KCNMB4: variants seen among roughly 807,000 people sequenced by gnomAD.
The protein encoded by KCNMB4 is potassium calcium-activated channel subfamily M regulatory beta subunit 4, also known as calcium-activated potassium channel subunit beta-4.
KCNMB4 carries 3 observed loss-of-function variants against 20.7 expected under a neutral mutation model. That is an observed-to-expected ratio of 0.14 (90% CI 0.07 to 0.37). The LOEUF is 0.37. Ranked by LOEUF, KCNMB4 falls within the 10% of genes least tolerant of loss-of-function variation. The pLI is 1.00. For synonymous variants in KCNMB4, 110 were observed against 113.4 expected (o/e 0.97, Z 0.19); for missense variants, 168 against 265.9 (o/e 0.63, Z 2.56).
At chr12:70,367,821 TTC>T (rs1336785243) in intron 1 of KCNMB4, among the ~76,000 whole-genome samples, 1 of 151,496 alleles carries the variant, frequency 6.6e-6, no homozygotes, top group African/African-American at 2.4e-5. Flanking sequence ...CTAATATGAC[TTC>T]TCTGACAACT....
At chr12:70,415,882 G>A (rs940042867) in intron 2 of KCNMB4, among the ~76,000 whole-genome samples, 2 of 152,148 alleles carry the variant, frequency 1.3e-5, no homozygotes, top group Non-Finnish European at 2.9e-5. Context: ...TCCTGCCCTC[G>A]GATTTACAGC....
intron 1 of KCNMB4, among the ~76,000 whole-genome samples, chr12:70,373,028 T>A (rs77779695): frequency 0.02 from 3,054 of 152,116 alleles, 62 homozygotes; most frequent in African/African-American, 0.041. Context: ...CTGGATGGAC[T>A]GGTGTGTGTG....
chr12:70,409,216 A>G (rs1320555544), intron 2 of KCNMB4, among the ~76,000 whole-genome samples: 7 of 152,150 alleles, frequency 4.6e-5, no homozygotes, highest in East Asian at 1.9e-4. Context: ...AAATGAACAA[A>G]TCCAGCCACA....
chr12:70,368,278 A>T, intron 1 of KCNMB4, among the ~76,000 whole-genome samples: 1 of 152,056 alleles, frequency 6.6e-6, no homozygotes, highest in East Asian at 1.9e-4. Context: ...GCTTACCGTC[A>T]CTCTGCAATA....
At chr12:70,422,803 C>T (rs977838287) in intron 2 of KCNMB4, 1 of 1,258,270 alleles carries the variant, frequency 7.9e-7, no homozygotes, top group African/African-American at 1.6e-5. Context: ...TTTTAAGAAT[C>T]ACATTGGGAA....
intron 1 of KCNMB4, among the ~76,000 whole-genome samples, chr12:70,387,845 A>G (rs1228475116): frequency 6.6e-6 from 1 of 152,148 alleles, no homozygotes; most frequent in Non-Finnish European, 1.5e-5. Flanking sequence ...TCTTTAAGTT[A>G]TTTTAAAATG....
chr12:70,404,157 A>G (rs1373182791), intron 2 of KCNMB4, among the ~76,000 whole-genome samples: 1 of 152,230 alleles, frequency 6.6e-6, no homozygotes, highest in African/African-American at 2.4e-5. Context: ...GTAAGCTAGA[A>G]AGGTAGCTTG....
rs1869389620 is a variant in KCNMB4 at position 70,432,289 on chromosome 12, A to C, written c.*1636A>C. On this transcript the variant is annotated 3_prime_UTR_variant, in exon 3 of 3. Coordinates refer to ENST00000258111, the MANE Select transcript of KCNMB4 (RefSeq NM_014505.6). ...TTGTGATCTGCCCACTTCACCTCCC[A>C]AAGTGCTGGGATTACAGGCCAATGT... 6.6e-6 allele frequency: 1 copy of C among 152,260 alleles called. No individual in the cohort carries two copies. The highest frequency in any genetic ancestry group is 1.5e-5 in the Non-Finnish European group (1 of 68,110). The allele number at this position is 152,260 out of a possible 1,614,324, so 9.4% of individuals were successfully genotyped here. A position where few individuals can be genotyped will look rare whatever the true frequency, so the allele number is the denominator to read the frequency against.
chr12:70,412,409 C>A (rs1484458845), intron 2 of KCNMB4, among the ~76,000 whole-genome samples: 1 of 152,194 alleles, frequency 6.6e-6, no homozygotes, highest in Admixed American at 6.5e-5. Flanking sequence ...CATGCTACCT[C>A]TGGATTTCTT....
chr12:70,391,310 A>T (rs184491604), intron 1 of KCNMB4, among the ~76,000 whole-genome samples: 175 of 150,360 alleles, frequency 1.2e-3, no homozygotes, highest in Non-Finnish European at 1.9e-3. Flanking sequence ...ATTTATTATT[A>T]TTTTTTTTTA....
rs1035607094 is a variant in KCNMB4, at chr12:70,432,707, T to C, written c.*2054T>C. On this transcript the variant is annotated 3_prime_UTR_variant, in exon 3 of 3. Coordinates refer to ENST00000258111, the MANE Select transcript of KCNMB4 (RefSeq NM_014505.6). Reference sequence around the variant, plus strand: ...TCCCAGTTTCCGGTTGCAGCATCCTTGTTGTCTTAGCAACACAGTGAACTA... The same window carrying C: ...TCCCAGTTTCCGGTTGCAGCATCCTCGTTGTCTTAGCAACACAGTGAACTA... The C allele has an allele frequency of 2.0e-5, 3 of 152,252 alleles. No homozygotes were observed. The highest frequency in any genetic ancestry group is 7.2e-5 in the African/African-American group (3 of 41,468). The allele number at this position is 152,252 out of a possible 1,614,324, so 9.4% of individuals were successfully genotyped here. A position where few individuals can be genotyped will look rare whatever the true frequency, so the allele number is the denominator to read the frequency against.
At chr12:70,407,756 C>T (rs117392940) in intron 2 of KCNMB4, among the ~76,000 whole-genome samples, 8,991 of 151,070 alleles carry the variant, frequency 0.06, 405 homozygotes, top group East Asian at 0.15. Context: ...CGTGAGCCAC[C>T]GCGCCCAGCC....
chr12:70,401,811 T>C (rs2136130314), intron 2 of KCNMB4, among the ~76,000 whole-genome samples: 1 of 152,224 alleles, frequency 6.6e-6, no homozygotes, highest in South Asian at 2.1e-4. Context: ...CATTCTTCAG[T>C]AGGCTAGATT....
chr12:70,407,240 C>T (rs1868630150), intron 2 of KCNMB4, among the ~76,000 whole-genome samples: 1 of 152,100 alleles, frequency 6.6e-6, no homozygotes, highest in Non-Finnish European at 1.5e-5. Context: ...TCAGGAACTG[C>T]CAGATGGAAG....
At chr12:70,414,346 GGTTA>G (rs752173684) in intron 2 of KCNMB4, among the ~76,000 whole-genome samples, 1 of 152,186 alleles carries the variant, frequency 6.6e-6, no homozygotes, top group Non-Finnish European at 1.5e-5. Context: ...GATTCACTGT[GGTTA>G]GTTCTATAAT....
At chr12:70,382,403 C>T (rs1197314607) in intron 1 of KCNMB4, among the ~76,000 whole-genome samples, 2 of 144,022 alleles carry the variant, frequency 1.4e-5, no homozygotes, top group Admixed American at 7.0e-5. Context: ...ACAGCACTCC[C>T]GCCTGGGCGA....
At chr12:70,371,243 G>A (rs1883588511) in intron 1 of KCNMB4, among the ~76,000 whole-genome samples, 1 of 152,124 alleles carries the variant, frequency 6.6e-6, no homozygotes, top group South Asian at 2.1e-4. Flanking sequence ...CTCCTTCTAA[G>A]AAACCAGTAC....
chr12:70,408,694 C>G (rs1317387701), intron 2 of KCNMB4, among the ~76,000 whole-genome samples: 2 of 152,006 alleles, frequency 1.3e-5, no homozygotes, highest in Non-Finnish European at 2.9e-5. Flanking sequence ...CCATTTGTGG[C>G]CCTCCCATAT....
chr12:70,406,247 C>G (rs1265488376), intron 2 of KCNMB4, among the ~76,000 whole-genome samples: 1 of 152,022 alleles, frequency 6.6e-6, no homozygotes, highest in Non-Finnish European at 1.5e-5. Context: ...TGTACTATCA[C>G]CAACAGTAAT....
Sources: gnomAD v4.1 joint callset for allele counts (sites outside exome capture counted in the v4.1 genomes callset) on GRCh38, gnomAD v4.1.1 for gene constraint, MANE v1.5 for transcripts, NCBI Gene and HGNC (gene_info 2026-07-23, HGNC 2026-07-21) for gene names.